NAV2: variants seen among roughly 807,000 people sequenced by gnomAD.
NAV2 encodes neuron navigator 2, also known as helicase, APC down-regulated 1.
In NAV2, 54 loss-of-function variants were observed where a neutral mutation model predicts 223.2. The observed-to-expected ratio is 0.24, with a 90% CI of 0.19 to 0.30. The LOEUF (loss-of-function observed/expected upper bound fraction) is 0.30, where lower values mean the gene tolerates loss of function less well. NAV2 is among the 10% of genes least tolerant of loss of function. The pLI is 1.00. For missense variants in NAV2, 2,806 were observed against 3,147.5 expected (o/e 0.89, Z 2.60); for synonymous variants, 1,279 against 1,239.3 (o/e 1.03, Z -0.67).
At chr11:19,697,405 G>A (rs1158855570) in intron 1 of NAV2, among the ~76,000 whole-genome samples, 4 of 151,546 alleles carry the variant, frequency 2.6e-5, no homozygotes, top group Non-Finnish European at 5.9e-5. Context: ...TAACAAATCT[G>A]CACATATATC....
At chr11:19,892,332 T>G (rs1565505751) in intron 5 of NAV2, 102 bp from the exon 6 acceptor site, 1 of 1,143,144 alleles carries the variant, frequency 8.7e-7, no homozygotes, top group East Asian at 2.5e-5. Flanking sequence ...CACAATGTCT[T>G]GGATAGTTTC....
chr11:20,035,759 C>G (rs2056293857), intron 11 of NAV2, among the ~76,000 whole-genome samples, 200 bp from the exon 12 acceptor site: 2 of 152,194 alleles, frequency 1.3e-5, no homozygotes, highest in African/African-American at 4.8e-5. Flanking sequence ...AGGTATCTGT[C>G]AGCCTCTTCA....
At chr11:19,738,221 G>A (rs1350235109) in intron 1 of NAV2, among the ~76,000 whole-genome samples, 1 of 152,200 alleles carries the variant, frequency 6.6e-6, no homozygotes, top group Non-Finnish European at 1.5e-5. Flanking sequence ...GGGGGCCAGT[G>A]ACATGCCCCA....
At chr11:19,429,326 A>T (rs1850957585) in intron 1 of NAV2, among the ~76,000 whole-genome samples, 1 of 152,240 alleles carries the variant, frequency 6.6e-6, no homozygotes, top group Admixed American at 6.5e-5. Context: ...AAAGGTCTCC[A>T]GTCACTTTTC....
intron 1 of NAV2, among the ~76,000 whole-genome samples, chr11:19,561,032 C>A (rs903545811): frequency 3.3e-5 from 5 of 152,200 alleles, no homozygotes; most frequent in Admixed American, 1.3e-4. Flanking sequence ...TGACCTCAGA[C>A]CCTCTTTTTC....
intron 3 of NAV2, among the ~76,000 whole-genome samples, chr11:19,862,420 G>A (rs1225916752): frequency 1.3e-5 from 2 of 152,218 alleles, no homozygotes; most frequent in African/African-American, 4.8e-5. Flanking sequence ...CACCATGAGA[G>A]CTTGAGCCGG....
chr11:19,398,574 G>A (rs980394713), intron 1 of NAV2, among the ~76,000 whole-genome samples: 24 of 151,788 alleles, frequency 1.6e-4, no homozygotes, highest in African/African-American at 2.9e-4. Flanking sequence ...TTGTTGGTCC[G>A]CCAAGCCCCT....
intron 1 of NAV2, among the ~76,000 whole-genome samples, chr11:19,364,074 G>A (rs1292345911): frequency 6.6e-6 from 1 of 152,096 alleles, no homozygotes; most frequent in Non-Finnish European, 1.5e-5. Flanking sequence ...CCAGAGGGTG[G>A]GGCTGAAAGT....
At position 19,913,835 on chromosome 11, in the gene NAV2, AC is replaced by A. The variant is rs2043532864; in HGVS notation, c.932-19338del. ...GTGACTAGCTCTACGCCTTTTTTTA[AC>A]CCTGTGCCTACCTTAGTCTCCTATA... On this transcript the variant is annotated intron_variant, in intron 6 of 37. Transcript: ENST00000349880. Among the ~76,000 whole-genome samples, 6 of 152,084 alleles carry A rather than the reference AC, an allele frequency of 3.9e-5. 1 individual carries two copies. The highest frequency in any genetic ancestry group is 3.9e-4 in the Admixed American group (6 of 15,272).
At chr11:19,926,088 A>G (rs895755736) in intron 6 of NAV2, among the ~76,000 whole-genome samples, 1 of 152,232 alleles carries the variant, frequency 6.6e-6, no homozygotes, top group South Asian at 2.1e-4. Flanking sequence ...GAATTTTAGG[A>G]TAGATTTCTG....
intron 1 of NAV2, among the ~76,000 whole-genome samples, chr11:19,703,778 T>G (rs543473102): frequency 1.3e-5 from 2 of 152,350 alleles, no homozygotes; most frequent in South Asian, 4.1e-4. Flanking sequence ...CATAAAGCCA[T>G]GTTTTTCAAT....
intron 1 of NAV2, among the ~76,000 whole-genome samples, chr11:19,415,468 A>T (rs547605984): frequency 8.5e-5 from 13 of 152,312 alleles, no homozygotes; most frequent in Admixed American, 7.8e-4. Flanking sequence ...TACCAACTAA[A>T]AAAAGCCCAG....
chr11:20,035,417 A>T (rs1338832303), intron 11 of NAV2, among the ~76,000 whole-genome samples: 1 of 152,062 alleles, frequency 6.6e-6, no homozygotes, highest in Non-Finnish European at 1.5e-5. Flanking sequence ...TTTTAGATGT[A>T]TTTGGGGATA....
At chr11:19,389,740 T>C (rs1849175979) in intron 1 of NAV2, among the ~76,000 whole-genome samples, 1 of 152,230 alleles carries the variant, frequency 6.6e-6, no homozygotes, top group African/African-American at 2.4e-5. Context: ...TGCTTTACTA[T>C]TTTAAACCTT....
chr11:20,015,556 G>A (rs565265027), intron 11 of NAV2, among the ~76,000 whole-genome samples: 8 of 151,664 alleles, frequency 5.3e-5, no homozygotes, highest in African/African-American at 1.7e-4. Context: ...TTTCTTTCAT[G>A]GCATATCTCA....
rs772990246 is a variant in NAV2 at position 20,044,172 on chromosome 11, G to C, written c.3099G>C (p.Gln1033His). 6.2e-7 allele frequency: 1 copy of C among 1,614,208 alleles called. No homozygotes were observed. Residue 1033 changes from glutamine (Q) to histidine (H), a missense_variant, in exon 13 of 38, where the codon CAG becomes CAC. Physicochemically the swap from Gln to His is conservative, Grantham distance 24. This residue lies in a region of NAV2 where 742 missense variants were observed against 777.9 expected (regional missense o/e 0.95). Transcript: ENST00000349880. ...GCAAGAAGAATCCTGTCATCTCCCA[G>C]ACAGGCTCATGGCGGCGAGGCATGA... ...TSGKKNPVISQTGSWRRGMTA... is the reference protein window; with the variant it reads ...TSGKKNPVISHTGSWRRGMTA...
chr11:19,957,860 T>A (rs918415383), intron 10 of NAV2, among the ~76,000 whole-genome samples: 13 of 152,142 alleles, frequency 8.5e-5, no homozygotes, highest in African/African-American at 3.1e-4. Context: ...CTGCCACAGA[T>A]GTCTAATGGC....
chr11:19,807,059 A>T (rs1019047105), intron 1 of NAV2, among the ~76,000 whole-genome samples: 2 of 152,208 alleles, frequency 1.3e-5, no homozygotes, highest in Non-Finnish European at 2.9e-5. Context: ...TAGAATTGAG[A>T]CTAGTCATGT....
At chr11:19,473,190 G>C (rs2042016583) in intron 1 of NAV2, among the ~76,000 whole-genome samples, 2 of 152,132 alleles carry the variant, frequency 1.3e-5, no homozygotes, top group South Asian at 2.1e-4. Flanking sequence ...AGGTGTACTT[G>C]GGTCTTTTTC....
Sources: gnomAD v4.1 joint callset for allele counts (sites outside exome capture counted in the v4.1 genomes callset) on GRCh38, gnomAD v4.1.1 for gene constraint, gnomAD v4.1.1 regional missense constraint, MANE v1.5 for transcripts, NCBI Gene and HGNC (gene_info 2026-07-23, HGNC 2026-07-21) for gene names.